Variants in RILPL2 observed in about 807,000 individuals in gnomAD.
The protein encoded by RILPL2 is Rab interacting lysosomal protein like 2.
A neutral mutation model predicts 22.2 loss-of-function variants in RILPL2; 19 were observed. The observed-to-expected ratio is 0.86, with a 90% CI of 0.60 to 1.25. The LOEUF (loss-of-function observed/expected upper bound fraction) is 1.25, where lower values mean the gene tolerates loss of function less well. RILPL2 is among the 50% of genes most tolerant of loss of function. The pLI, the probability that RILPL2 is intolerant of heterozygous loss-of-function variation, is 0.00. For missense variants in RILPL2, 243 were observed against 263.6 expected, an observed-to-expected ratio of 0.92 and a Z score of 0.54; for synonymous variants, 123 against 111.6, an observed-to-expected ratio of 1.10 and a Z score of -0.64.
At position 123,435,948 on chromosome 12, in the gene RILPL2, C is replaced by T. The variant is rs115776345; in HGVS notation, c.339+134G>A. On this transcript the variant is annotated intron_variant, in intron 1 of 3. Coordinates refer to ENST00000280571, the MANE Select transcript of RILPL2 (RefSeq NM_145058.3). ...TTTGAGACCAGCCTGGGCAACACAGCGAGATCCCATCTCTTAAAAAAAGAA... is the reference window on the plus strand; with the variant it reads ...TTTGAGACCAGCCTGGGCAACACAGTGAGATCCCATCTCTTAAAAAAAGAA... 1,425 of 1,289,180 alleles carry T rather than the reference C, an allele frequency of 1.1e-3. 15 individuals are homozygous for T. The African/African-American group carries it at 0.02, about 18-fold the overall frequency. 79.9% of individuals were successfully genotyped at this position (1,289,180 alleles called of 1,614,324 possible).
intron 2 of RILPL2, among the ~76,000 whole-genome samples, chr12:123,425,866 G>A (rs1879430400): frequency 6.6e-6 from 1 of 151,818 alleles, no homozygotes; most frequent in Non-Finnish European, 1.5e-5. Context: ...TGGCCAGACT[G>A]GTCTCGAACT....
In RILPL2 at chr12:123,436,171, G is replaced by A. The variant is rs753879254; in HGVS notation, c.250C>T (p.Leu84=). Residue 84 remains leucine, a synonymous_variant, in exon 1 of 4, where the codon CTG becomes TTG. Transcript: ENST00000280571. The surrounding 1 kb of genome is among the most constrained non-coding windows in gnomAD (Gnocchi z 6.7). ...TCCATCTTCAGCTCCTCCAGCGCCA[G>A]GCTGCCCTCATTCACCAGCGCCTCC... The part of the protein sequence containing the change: ...MLEALVNEGS[L]ALEELKMERD... 1.2e-6 allele frequency: 2 copies of A among 1,609,888 alleles called. No individual in the cohort carries two copies. Among genetic ancestry groups the A allele is most frequent in the Non-Finnish European group, 1.7e-6 (2 of 1,178,390 alleles).
chr12:123,416,334 G>T (rs945602288), intron 3 of RILPL2, among the ~76,000 whole-genome samples: 4 of 147,806 alleles, frequency 2.7e-5, no homozygotes, highest in African/African-American at 1.0e-4. Flanking sequence ...AAAAGAAAAA[G>T]AAAAAGCAAA....
At chr12:123,430,398 G>C in intron 2 of RILPL2, 110 bp downstream of exon 2, 1 of 1,124,486 alleles carries the variant, frequency 8.9e-7, no homozygotes, top group Admixed American at 2.4e-5. Context: ...GACAGAGCGA[G>C]ACTCTGTCTC....
intron 1 of RILPL2, among the ~76,000 whole-genome samples, chr12:123,433,699 A>G (rs1225814225): frequency 6.6e-6 from 1 of 152,184 alleles, no homozygotes; most frequent in Non-Finnish European, 1.5e-5. Context: ...GGTGTGAGCC[A>G]CCGCGCCTGG....
In RILPL2 at chr12:123,436,087, C is replaced by T; in HGVS notation, c.334G>A (p.Gly112Arg). Residue 112 changes from glycine (G) to arginine (R), a missense_variant, in exon 1 of 4, where the codon GGG becomes AGG. Gly to Arg is a moderately radical substitution (Grantham distance 125). Transcript: ENST00000280571. The surrounding 1 kb of genome is among the most constrained non-coding windows in gnomAD (Gnocchi z 6.7). ...ACCCTCGCTCCCACACTCACCTCCC[C>T]GCTGGCCGGAGGGCTCTGTCTCCGC... ...GLRRQSPPAS[G>R]EVNLGPNKMV... 1.3e-6 allele frequency: 2 copies of T among 1,571,510 alleles called. No individual in the cohort carries two copies. The highest frequency in any genetic ancestry group is 1.7e-6 in the Non-Finnish European group (2 of 1,158,504).
At chr12:123,420,813 C>T (rs889841325) in intron 3 of RILPL2, among the ~76,000 whole-genome samples, 26 of 152,212 alleles carry the variant, frequency 1.7e-4, no homozygotes, top group Admixed American at 3.3e-4. Flanking sequence ...TTTTCCCTGC[C>T]GTAGATTCCA....
At chr12:123,409,552 T>C in the RILPL2 span, among the ~76,000 whole-genome samples, 730 of 145,370 alleles carry the variant, frequency 5.0e-3, 4 homozygotes, top group South Asian at 0.039. Flanking sequence ...AGTTAATGCT[T>C]TTTTTTTTTT....
At chr12:123,428,294 G>T (rs918368889) in intron 2 of RILPL2, among the ~76,000 whole-genome samples, 1 of 152,036 alleles carries the variant, frequency 6.6e-6, no homozygotes, top group African/African-American at 2.4e-5. Context: ...CCGCCACCAC[G>T]CCTGGCTAAT....
At chr12:123,419,422 G>C (rs1330366217) in intron 3 of RILPL2, among the ~76,000 whole-genome samples, 1 of 152,110 alleles carries the variant, frequency 6.6e-6, no homozygotes, top group African/African-American at 2.4e-5. Context: ...CTGGTGCACA[G>C]ACATGAGGGA....
At chr12:123,426,838 G>A (rs1415167331) in intron 2 of RILPL2, among the ~76,000 whole-genome samples, 2 of 151,810 alleles carry the variant, frequency 1.3e-5, no homozygotes, top group Admixed American at 6.6e-5. Flanking sequence ...TCCTGACCTC[G>A]TGATCTGCCC....
At chr12:123,429,005 T>C (rs978075237) in intron 2 of RILPL2, among the ~76,000 whole-genome samples, 4 of 152,118 alleles carry the variant, frequency 2.6e-5, no homozygotes, top group African/African-American at 7.2e-5. Flanking sequence ...AATACCTAAG[T>C]AAAGGAAAAC....
chr12:123,431,544 C>T (rs1879649916), intron 1 of RILPL2, among the ~76,000 whole-genome samples: 1 of 152,028 alleles, frequency 6.6e-6, no homozygotes, highest in Admixed American at 6.6e-5. Flanking sequence ...TTAAGATGGG[C>T]CGGGCACGGT....
the RILPL2 span, among the ~76,000 whole-genome samples, chr12:123,409,569 G>C: frequency 7.6e-6 from 1 of 131,582 alleles, no homozygotes; most frequent in Non-Finnish European, 1.5e-5. Flanking sequence ...TTTTTTTTGA[G>C]ACAGTCTCTG....
rs183097854 is a variant in RILPL2, at chr12:123,434,790, T to A, written c.339+1292A>T. ...CCCTGATTAAGATATGGGACACTTC[T>A]AGCTCTCTATCAATTTCCCTTCTTT... On this transcript the variant is annotated intron_variant, in intron 1 of 3. Transcript: ENST00000280571. 4.3e-3 allele frequency among the ~76,000 whole-genome samples: 660 copies of A among 152,196 alleles called. 4 individuals are homozygous for A. The highest frequency in any genetic ancestry group is 0.015 in the African/African-American group (637 of 41,548).
chr12:123,428,584 A>G (rs1008037883), intron 2 of RILPL2, among the ~76,000 whole-genome samples: 2 of 152,238 alleles, frequency 1.3e-5, no homozygotes, highest in African/African-American at 4.8e-5. Flanking sequence ...TTAAAGAATC[A>G]TATCACTTGG....
rs1374869122 is a variant in RILPL2 at position 123,415,847 on chromosome 12, T to C, written c.*44A>G. Reference sequence around the variant, plus strand: ...GGTTTTGCCAGGCATCTTGGAAGGTTGTCTTCTAGAATCAGAGCCATAGCC... The same window carrying C: ...GGTTTTGCCAGGCATCTTGGAAGGTCGTCTTCTAGAATCAGAGCCATAGCC... On this transcript the variant is annotated 3_prime_UTR_variant, in exon 4 of 4. Transcript: ENST00000280571. 1.9e-6 allele frequency: 3 copies of C among 1,607,372 alleles called. No individual in the cohort carries two copies. Among genetic ancestry groups the C allele is most frequent in the Non-Finnish European group, 2.6e-6 (3 of 1,173,954 alleles).
intron 1 of RILPL2, among the ~76,000 whole-genome samples, chr12:123,431,743 G>T (rs1452826823): frequency 2.7e-5 from 4 of 150,136 alleles, no homozygotes; most frequent in Non-Finnish European, 4.4e-5. Context: ...GGAGAACGGT[G>T]TGAACCTGGG....
At chr12:123,423,203 G>GTTTTTTTT in intron 2 of RILPL2, 46 bp from the exon 3 acceptor site, 1 of 826,300 alleles carries the variant, frequency 1.2e-6, no homozygotes, top group South Asian at 1.8e-5. Context: ...ATTACAGATC[G>GTTTTTTTT]TTTTTTTTTT....
Sources: allele counts gnomAD v4.1 joint callset (sites outside exome capture counted in the v4.1 genomes callset), GRCh38; gene constraint gnomAD v4.1.1; non-coding constraint Gnocchi (gnomAD v3.1); transcripts MANE v1.5; gene names NCBI Gene and HGNC (gene_info 2026-07-23, HGNC 2026-07-21).